Variants in ADK observed in about 807,000 individuals in gnomAD.
ADK encodes N6,N6-dimethyladenosine kinase.
In ADK, 24 loss-of-function variants were observed where a neutral mutation model predicts 44.7. The observed-to-expected ratio is 0.54, with a 90% confidence interval of 0.39 to 0.76. The LOEUF is 0.76. Ranked by LOEUF, ADK falls within the 30% of genes least tolerant of loss-of-function variation. ADK has a pLI of 0.00. For missense variants in ADK, 321 were observed against 425.1 expected (o/e 0.76, Z 2.15); for synonymous variants, 128 against 142.6 (o/e 0.90, Z 0.73).
chr10:74,392,792 C>T (rs1262687143), intron 4 of ADK, among the ~76,000 whole-genome samples: 1 of 151,852 alleles, frequency 6.6e-6, no homozygotes. Flanking sequence ...AGCTTTTTAC[C>T]TTTGAGACTT....
rs886437861 is a variant in ADK at position 74,160,457 on chromosome 10, A to C, written c.65+9114A>C. On this transcript the variant is annotated intron_variant, in intron 1 of 10. Coordinates refer to ENST00000539909, the MANE Select transcript of ADK (RefSeq NM_006721.4). The stretch of plus-strand genomic sequence containing the variant: ...GGCAGTACCTCTGCCGATGCTTTAC[A>C]CTGCTGCTTCAATAAAAGTTGCTGA... 2.0e-5 allele frequency among the ~76,000 whole-genome samples: 3 copies of C among 152,222 alleles called. No individual in the cohort carries two copies. The East Asian group carries it at 5.8e-4, about 29-fold the overall frequency.
At chr10:74,206,977 C>G (rs1843623579) in intron 2 of ADK, among the ~76,000 whole-genome samples, 1 of 152,174 alleles carries the variant, frequency 6.6e-6, no homozygotes. Context: ...TGCTACCAGC[C>G]TGGATCCCAC....
intron 7 of ADK, among the ~76,000 whole-genome samples, chr10:74,555,077 A>T (rs1313284926): frequency 6.6e-6 from 1 of 152,052 alleles, no homozygotes. Flanking sequence ...CAGGAAGATC[A>T]CTTGAGCCCA....
chr10:74,267,156 G>T (rs1050976346), intron 3 of ADK, among the ~76,000 whole-genome samples: 1 of 152,160 alleles, frequency 6.6e-6, no homozygotes, highest in Non-Finnish European at 1.5e-5. Context: ...AAATACAGTT[G>T]ACCCTCAAAC....
intron 4 of ADK, among the ~76,000 whole-genome samples, chr10:74,326,878 A>G (rs1841038911): frequency 6.6e-6 from 1 of 151,896 alleles, no homozygotes; most frequent in Non-Finnish European, 1.5e-5. Flanking sequence ...TCTGGGATCA[A>G]TTGTAGTGTC....
intron 6 of ADK, among the ~76,000 whole-genome samples, chr10:74,427,742 T>C (rs1270429780): frequency 6.6e-6 from 1 of 151,972 alleles, no homozygotes; most frequent in African/African-American, 2.4e-5. Flanking sequence ...TGTGTGTGTG[T>C]GTGTGTGTGT....
At chr10:74,355,668 A>G (rs1842112654) in intron 4 of ADK, among the ~76,000 whole-genome samples, 1 of 152,208 alleles carries the variant, frequency 6.6e-6, no homozygotes, top group Non-Finnish European at 1.5e-5. Flanking sequence ...ACTTTTATTC[A>G]GGACCATTTG....
intron 1 of ADK, among the ~76,000 whole-genome samples, chr10:74,166,852 G>C (rs1288730644): frequency 6.6e-6 from 1 of 152,156 alleles, no homozygotes; most frequent in Non-Finnish European, 1.5e-5. Flanking sequence ...GTTACAAACT[G>C]TAATACCTAT....
chr10:74,347,526 T>C (rs1047822165), intron 4 of ADK, among the ~76,000 whole-genome samples: 13 of 152,028 alleles, frequency 8.6e-5, no homozygotes, highest in Non-Finnish European at 1.6e-4. Flanking sequence ...TGCAGGAGTT[T>C]TTTTTCGTAC....
At chr10:74,631,066 T>C (rs1472213375) in intron 9 of ADK, among the ~76,000 whole-genome samples, 1 of 152,064 alleles carries the variant, frequency 6.6e-6, no homozygotes, top group African/African-American at 2.4e-5. Context: ...ACTACAGTTA[T>C]TTTCTGACTT....
chr10:74,704,161 G>A (rs992054491), intron 10 of ADK, among the ~76,000 whole-genome samples: 5 of 152,190 alleles, frequency 3.3e-5, no homozygotes, highest in African/African-American at 1.2e-4. Flanking sequence ...AAGTAGAGTA[G>A]CAGTTACCAG....
chr10:74,356,704 A>G (rs1462470641), intron 4 of ADK, among the ~76,000 whole-genome samples: 1 of 152,210 alleles, frequency 6.6e-6, no homozygotes. Context: ...TTACACCTAA[A>G]CGTTACAGTG....
At chr10:74,654,421 T>G (rs1306371479) in intron 9 of ADK, among the ~76,000 whole-genome samples, 1 of 152,220 alleles carries the variant, frequency 6.6e-6, no homozygotes, top group Non-Finnish European at 1.5e-5. Flanking sequence ...ATCATATACA[T>G]ACAGATATTA....
chr10:74,437,130 A>T (rs1320099919), intron 6 of ADK, among the ~76,000 whole-genome samples: 2 of 152,182 alleles, frequency 1.3e-5, no homozygotes, highest in Non-Finnish European at 2.9e-5. Context: ...AAAAAAGAAA[A>T]GATAGAAGCA....
intron 4 of ADK, among the ~76,000 whole-genome samples, chr10:74,386,488 G>A (rs1242213395): frequency 1.3e-5 from 2 of 152,078 alleles, no homozygotes; most frequent in African/African-American, 4.8e-5. Context: ...TCCATATGTT[G>A]TTAAAGACTC....
chr10:74,626,302 ATT>A (rs571501922), intron 9 of ADK, among the ~76,000 whole-genome samples: 45 of 139,682 alleles, frequency 3.2e-4, no homozygotes, highest in Admixed American at 2.9e-4. Flanking sequence ...AAGAGTCTAA[ATT>A]TTTTTTTTTT....
At chr10:74,421,018 A>C (rs1351227078) in intron 6 of ADK, among the ~76,000 whole-genome samples, 3 of 152,176 alleles carry the variant, frequency 2.0e-5, no homozygotes, top group Non-Finnish European at 4.4e-5. Flanking sequence ...TGTACATCAC[A>C]AAGGGTTAAT....
At chr10:74,367,843 A>G (rs1226995447) in intron 4 of ADK, among the ~76,000 whole-genome samples, 3 of 152,228 alleles carry the variant, frequency 2.0e-5, no homozygotes, top group East Asian at 1.9e-4. Flanking sequence ...TCTAAGCATA[A>G]GAAGGCTGTG....
In ADK at chr10:74,408,381, A is replaced by G. The variant is rs544505464; in HGVS notation, c.555+9802A>G. Among the ~76,000 whole-genome samples, 9 of 152,336 alleles carry G rather than the reference A, an allele frequency of 5.9e-5. No homozygotes were observed. In the South Asian group the frequency reaches 1.7e-3, roughly 28 times the overall value. The stretch of plus-strand genomic sequence containing the variant: ...GAACAATGTATTCATTTTAAACTGT[A>G]GATTTCATTCCCAGTTAACTTTCTT... On this transcript the variant is annotated intron_variant, in intron 6 of 10. Transcript: ENST00000539909.
Sources: allele counts gnomAD v4.1 joint callset (sites outside exome capture counted in the v4.1 genomes callset), GRCh38; gene constraint gnomAD v4.1.1; transcripts MANE v1.5; gene names NCBI Gene and HGNC (gene_info 2026-07-23, HGNC 2026-07-21).